Variants in PAX9 observed in about 807,000 individuals in gnomAD.
PAX9 encodes paired box protein Pax-9.
In PAX9, 6 loss-of-function variants were observed where a neutral mutation model predicts 29.1. The ratio of observed to expected loss-of-function variants is 0.21; its 90% CI spans 0.11 to 0.41. The LOEUF (loss-of-function observed/expected upper bound fraction) is 0.41, where lower values mean the gene tolerates loss of function less well. Among genes scored for constraint, PAX9 ranks in the 10% least tolerant of loss-of-function variants. PAX9 has a pLI of 1.00. For synonymous variants in PAX9, 217 were observed against 211.7 expected, an observed-to-expected ratio of 1.03 and a Z score of -0.22; for missense variants, 443 against 479.1, an observed-to-expected ratio of 0.92 and a Z score of 0.70.
intron 3 of PAX9, among the ~76,000 whole-genome samples, chr14:36,667,339 C>A (rs1051810106): frequency 5.3e-5 from 8 of 151,904 alleles, no homozygotes; most frequent in African/African-American, 1.9e-4. Flanking sequence ...TATTTTCCCC[C>A]CGAGAAAAGC....
intron 2 of PAX9, among the ~76,000 whole-genome samples, chr14:36,665,211 A>G (rs906925675): frequency 6.6e-6 from 1 of 151,214 alleles, no homozygotes; most frequent in Non-Finnish European, 1.5e-5. Context: ...TTAAAAGAAA[A>G]CTTTTCCTGC....
At chr14:36,672,502 G>T (rs539393060) in intron 3 of PAX9, among the ~76,000 whole-genome samples, 24 of 152,248 alleles carry the variant, frequency 1.6e-4, no homozygotes, top group African/African-American at 5.5e-4. Context: ...ACCCAGTAGA[G>T]ATTTATATCT....
In PAX9 at chr14:36,678,521, A is replaced by AGAT. The variant is rs1417007171; in HGVS notation, c.*2070_*2072dup. The AGAT allele has an allele frequency of 6.5e-7, 1 of 1,536,892 alleles. No individual in the cohort carries two copies. ...ATAGACTATAAACTGAATGGAACAAAGATCCAATCCAATATTTTGGTGGAG... is the reference window on the plus strand; with the variant it reads ...ATAGACTATAAACTGAATGGAACAAAGATGATCCAATCCAATATTTTGGTGGAG... On this transcript the variant is annotated 3_prime_UTR_variant, in exon 4 of 4. Transcript: ENST00000361487.
chr14:36,678,529 T>G lies in PAX9; in HGVS notation c.*2077T>G. 2 of 1,536,864 alleles carry G rather than the reference T, an allele frequency of 1.3e-6. No homozygotes were observed. Among genetic ancestry groups the G allele is most frequent in the South Asian group, 2.4e-5 (2 of 84,026 alleles). On this transcript the variant is annotated 3_prime_UTR_variant, in exon 4 of 4. Coordinates refer to ENST00000361487, the MANE Select transcript of PAX9 (RefSeq NM_001372076.1). ...TAAACTGAATGGAACAAAGATCCAA[T>G]CCAATATTTTGGTGGAGACTTCTTT...
rs745522921 is a variant in PAX9 at position 36,662,943 on chromosome 14, C to T, written c.51C>T (p.Asn17=). The change falls in exon 2 of 4, where the codon AAC becomes AAT. Residue 17 remains asparagine, a synonymous_variant. Transcript: ENST00000361487. ...ACCAGCTGGGAGGAGTGTTCGTGAA[C>T]GGGAGGCCGCTGCCCAACGCCATCC... is the stretch of plus-strand genomic sequence containing the variant. ...EVNQLGGVFV[N]GRPLPNAIRL... 4.3e-6 allele frequency: 7 copies of T among 1,613,126 alleles called. No individual in the cohort carries two copies. The South Asian group carries it at 4.4e-5, about 10-fold the overall frequency.
upstream of PAX9, chr14:36,658,569 C>CG (rs931541614): frequency 2.0e-5 from 3 of 152,380 alleles, no homozygotes; most frequent in Non-Finnish European, 1.5e-5. Flanking sequence ...AGCAGGCTTC[C>CG]GGGGGTCGGT....
Position 36,679,261 on chromosome 14 carries a change from G to T in PAX9, c.*2809G>T. The T allele has an allele frequency of 1.0e-6, 1 of 983,310 alleles. No homozygotes were observed. Among genetic ancestry groups the T allele is most frequent in the Non-Finnish European group, 1.2e-6 (1 of 828,144 alleles). The allele number at this position is 983,310 out of a possible 1,614,324, so 60.9% of individuals were successfully genotyped here. Reference sequence around the variant, plus strand: ...AAATATAAATTTTAAAAAACACGTTGGAAAGGATGTACAACAGAAGGCTAT... The same window carrying T: ...AAATATAAATTTTAAAAAACACGTTTGAAAGGATGTACAACAGAAGGCTAT... On this transcript the variant is annotated 3_prime_UTR_variant, in exon 4 of 4. Transcript: ENST00000361487.
chr14:36,676,808 A>G lies in PAX9; in HGVS notation c.*356A>G, dbSNP rs1271976490. On this transcript the variant is annotated 3_prime_UTR_variant, in exon 4 of 4. Coordinates refer to ENST00000361487, the MANE Select transcript of PAX9 (RefSeq NM_001372076.1). The stretch of plus-strand genomic sequence containing the variant: ...TTGGTAAAACCACATGTGTATATTT[A>G]TTCTAAATCAACCTGAACTTTTGAA... 1 of 288,896 alleles carries G rather than the reference A, an allele frequency of 3.5e-6. No homozygotes were observed. Among genetic ancestry groups the G allele is most frequent in the Non-Finnish European group, 6.7e-6 (1 of 149,690 alleles). 17.9% of individuals were successfully genotyped at this position (288,896 alleles called of 1,614,324 possible).
At chr14:36,660,817 C>CA (rs1256151345), upstream of PAX9, among the ~76,000 whole-genome samples, 1 of 152,066 alleles carries the variant, frequency 6.6e-6, no homozygotes, top group Admixed American at 6.5e-5. Flanking sequence ...ACTTTGGCTG[C>CA]AAAAAAGCAT....
At chr14:36,674,100 T>G (rs1268793757) in intron 3 of PAX9, among the ~76,000 whole-genome samples, 1 of 152,258 alleles carries the variant, frequency 6.6e-6, no homozygotes, top group Non-Finnish European at 1.5e-5. Flanking sequence ...AACTAGATTT[T>G]TTCCCCTGTA....
Position 36,678,605 on chromosome 14 carries a change from G to A in PAX9, c.*2153G>A. ...CTGTCATCTGAAAAACTGATGTAAG[G>A]TACAGAACTATTCTTTATCAAATGT... On this transcript the variant is annotated 3_prime_UTR_variant, in exon 4 of 4. Coordinates refer to ENST00000361487, the MANE Select transcript of PAX9 (RefSeq NM_001372076.1). The A allele has an allele frequency of 6.9e-7, 1 of 1,456,738 alleles. No homozygotes were observed. Among genetic ancestry groups the A allele is most frequent in the Non-Finnish European group, 9.0e-7 (1 of 1,106,564 alleles). 90.2% of individuals were successfully genotyped at this position (1,456,738 alleles called of 1,614,324 possible).
In PAX9 at chr14:36,678,737, A is replaced by T; in HGVS notation, c.*2285A>T. 8.6e-7 allele frequency: 1 copy of T among 1,160,062 alleles called. No individual in the cohort carries two copies. The highest frequency in any genetic ancestry group is 1.1e-6 in the Non-Finnish European group (1 of 937,590). The allele number at this position is 1,160,062 out of a possible 1,614,324, so 71.9% of individuals were successfully genotyped here. On this transcript the variant is annotated 3_prime_UTR_variant, in exon 4 of 4. Coordinates refer to ENST00000361487, the MANE Select transcript of PAX9 (RefSeq NM_001372076.1). ...TTAAGAAATCTCTTGTTATTGTGCTATTTATAATTTTTTTCTGGTTCTTGT... is the reference window on the plus strand; with the variant it reads ...TTAAGAAATCTCTTGTTATTGTGCTTTTTATAATTTTTTTCTGGTTCTTGT...
rs1594478528 is a variant in PAX9 at position 36,679,126 on chromosome 14, A to ATAT, written c.*2677_*2679dup. ...GGCAGCGCTCTCATTGGATGTAAGA[A>ATAT]TATTACCTGCAAGGATAGAATGCAG... On this transcript the variant is annotated 3_prime_UTR_variant, in exon 4 of 4. Transcript: ENST00000361487. The ATAT allele has an allele frequency of 1.2e-5, 12 of 985,430 alleles. No individual in the cohort carries two copies. The highest frequency in any genetic ancestry group is 1.4e-5 in the Non-Finnish European group (12 of 829,924). 61.0% of individuals were successfully genotyped at this position (985,430 alleles called of 1,614,324 possible). A position where few individuals can be genotyped will look rare whatever the true frequency, so the allele number is the denominator to read the frequency against.
intron 3 of PAX9, among the ~76,000 whole-genome samples, chr14:36,669,967 G>T (rs571809054): frequency 6.6e-6 from 1 of 152,042 alleles, no homozygotes; most frequent in Non-Finnish European, 1.5e-5. Flanking sequence ...CTTCCTGATG[G>T]CCGGTTCTCT....
At position 36,676,731 on chromosome 14, in the gene PAX9, A is replaced by G. The variant is rs1881908371; in HGVS notation, c.*279A>G. On this transcript the variant is annotated 3_prime_UTR_variant, in exon 4 of 4. Coordinates refer to ENST00000361487, the MANE Select transcript of PAX9 (RefSeq NM_001372076.1). The stretch of plus-strand genomic sequence containing the variant: ...GTTGCCCACATACTGTCTTAACATA[A>G]CAAAGAAACCTACACCCCTCAAAGG... The G allele has an allele frequency of 6.3e-6, 3 of 477,030 alleles. No individual in the cohort carries two copies. Among genetic ancestry groups the G allele is most frequent in the Non-Finnish European group, 1.2e-5 (3 of 260,378 alleles). The allele number at this position is 477,030 out of a possible 1,614,324, so 29.5% of individuals were successfully genotyped here.
In PAX9 at chr14:36,663,537, G is replaced by A. The variant is rs368417796; in HGVS notation, c.631+14G>A. On this transcript the variant is annotated intron_variant, in intron 2 of 3. Coordinates refer to ENST00000361487, the MANE Select transcript of PAX9 (RefSeq NM_001372076.1). Reference sequence around the variant, plus strand: ...TCACCGACCAAGGTAGGGGCTCAGAGGCTGGGCGTGTGGATGTGCAGCGTC... The same window carrying A: ...TCACCGACCAAGGTAGGGGCTCAGAAGCTGGGCGTGTGGATGTGCAGCGTC... The A allele has an allele frequency of 6.9e-5, 111 of 1,612,450 alleles. No homozygotes were observed. The Admixed American group carries it at 1.8e-3, about 26-fold the overall frequency.
chr14:36,679,358 A>AATT lies in PAX9; in HGVS notation c.*2908_*2910dup. On this transcript the variant is annotated 3_prime_UTR_variant, in exon 4 of 4. Transcript: ENST00000361487. ...ATGCTCTAAATTAATAAAAAGTAAT[A>AATT]ATTACCATGTTATCTTTTACTTTTT... 3.1e-6 allele frequency: 3 copies of AATT among 975,090 alleles called. No individual in the cohort carries two copies. Among genetic ancestry groups the AATT allele is most frequent in the Non-Finnish European group, 3.7e-6 (3 of 820,634 alleles). The allele number at this position is 975,090 out of a possible 1,614,324, so 60.4% of individuals were successfully genotyped here.
At chr14:36,676,040 T>C (rs1475260735) in intron 3 of PAX9, among the ~76,000 whole-genome samples, 158 bp from the exon 4 acceptor site, 2 of 152,208 alleles carry the variant, frequency 1.3e-5, no homozygotes, top group African/African-American at 4.8e-5. Context: ...GTGAATGTCT[T>C]TAGAATATAA....
upstream of PAX9, among the ~76,000 whole-genome samples, chr14:36,658,378 G>A (rs983505823): frequency 6.6e-6 from 1 of 151,842 alleles, no homozygotes. Context: ...TCGCTTGGGG[G>A]GGGGGGGTCC....
Sources: allele counts gnomAD v4.1 joint callset (sites outside exome capture counted in the v4.1 genomes callset), GRCh38; gene constraint gnomAD v4.1.1; transcripts MANE v1.5; gene names NCBI Gene and HGNC (gene_info 2026-07-23, HGNC 2026-07-21).